Variants in SMIM17 observed in about 807,000 individuals in gnomAD.
SMIM17 encodes small integral membrane protein 17.
Under a neutral mutation model 12.2 loss-of-function variants are expected in SMIM17, and 10 were observed. The ratio of observed to expected loss-of-function variants is 0.82; its 90% CI spans 0.50 to 1.39. The LOEUF (loss-of-function observed/expected upper bound fraction) is 1.39, where lower values mean the gene tolerates loss of function less well. Among genes scored for constraint, SMIM17 ranks in the 40% most tolerant of loss-of-function variants. The pLI is 0.00. For missense variants in SMIM17, 136 were observed against 118.2 expected, an observed-to-expected ratio of 1.15 and a Z score of -0.70; for synonymous variants, 50 against 44.1, an observed-to-expected ratio of 1.13 and a Z score of -0.53.
intron 3 of SMIM17, among the ~76,000 whole-genome samples, chr19:56,648,036 T>C (rs1398339244): frequency 6.6e-6 from 1 of 151,066 alleles, no homozygotes; most frequent in African/African-American, 2.4e-5. Context: ...ATTCACCTAC[T>C]TGCTTGTATA....
rs768970643 is a variant in SMIM17 at position 56,645,861 on chromosome 19, G to A, written c.169+25G>A. 2.2e-4 allele frequency: 326 copies of A among 1,514,232 alleles called. 1 individual carries two copies. Among genetic ancestry groups the A allele is most frequent in the Non-Finnish European group, 2.4e-4 (269 of 1,136,134 alleles). The allele number at this position is 1,514,232 out of a possible 1,614,324, so 93.8% of individuals were successfully genotyped here. A position where few individuals can be genotyped will look rare whatever the true frequency, so the allele number is the denominator to read the frequency against. On this transcript the variant is annotated intron_variant, in intron 2 of 3. Coordinates refer to ENST00000598409, the MANE Select transcript of SMIM17 (RefSeq NM_001193628.2). Reference sequence around the variant, plus strand: ...GGTGAGAGGCAGGGGTCCTTTGGGAGGTGAGTGGGTGGAGAGGAAGGAATT... The same window carrying A: ...GGTGAGAGGCAGGGGTCCTTTGGGAAGTGAGTGGGTGGAGAGGAAGGAATT...
At position 56,647,572 on chromosome 19, in the gene SMIM17, G is replaced by A. The variant is rs1290315264; in HGVS notation, c.184G>A (p.Glu62Lys). 2.0e-6 allele frequency: 3 copies of A among 1,535,680 alleles called. No homozygotes were observed. In the African/African-American group the frequency reaches 4.1e-5, roughly 21 times the overall value. ...DSDEKDLSSQ[E>K]TGLSQEWSSV... ...CCCTCACCCAGACCTGTCTTCTCAA[G>A]AGACTGGGCTTTCCCAGGAGTGGAG... The change falls in exon 3 of 4, where the codon GAG (glutamate) becomes AAG (lysine). Residue 62 changes from glutamate to lysine, a missense_variant. Physicochemically the swap from Glu to Lys is moderately conservative, Grantham distance 56 (BLOSUM62 1). Transcript: ENST00000598409.
At chr19:56,649,426 C>G in intron 3 of SMIM17, among the ~76,000 whole-genome samples, 1 of 149,386 alleles carries the variant, frequency 6.7e-6, no homozygotes, top group African/African-American at 2.6e-5. Flanking sequence ...CCGAGGTAGA[C>G]AGACGACAAT....
In SMIM17 at chr19:56,647,651, G is replaced by T. The variant is rs114778699; in HGVS notation, c.246+17G>T. 2.1e-3 allele frequency: 3,197 copies of T among 1,533,496 alleles called. 39 individuals carry two copies. The African/African-American group carries it at 0.034, about 16-fold the overall frequency. 95.0% of individuals were successfully genotyped at this position (1,533,496 alleles called of 1,614,324 possible). ...GGCTCCCAGGTACACTGGGGGGTTT[G>T]TTCTTTTTCCACAAATGTCCCACTC... On this transcript the variant is annotated intron_variant, in intron 3 of 3. Transcript: ENST00000598409.
chr19:56,650,693 G>A lies in SMIM17; in HGVS notation c.246+3059G>A, dbSNP rs74371906. Among the ~76,000 whole-genome samples the A allele has an allele frequency of 7.3e-3, 1,117 of 152,272 alleles. 20 individuals carry two copies. Among genetic ancestry groups the A allele is most frequent in the African/African-American group, 0.026 (1,074 of 41,568 alleles). ...TGGGCTTGGAGGGGAGGATAGGAGC[G>A]AATGGGACCCAGGACCTGATGACAT... On this transcript the variant is annotated intron_variant, in intron 3 of 3. Coordinates refer to ENST00000598409, the MANE Select transcript of SMIM17 (RefSeq NM_001193628.2).
chr19:56,655,224 G>T lies in SMIM17; in HGVS notation c.*11G>T, dbSNP rs1349231883. ...ATGTTTCACATTTAACTATAATGGT[G>T]GCTGTTGTTTTAAAAGTTTAATTTA... is the stretch of plus-strand genomic sequence containing the variant. On this transcript the variant is annotated 3_prime_UTR_variant, in exon 4 of 4. Coordinates refer to ENST00000598409, the MANE Select transcript of SMIM17 (RefSeq NM_001193628.2). 1 of 698,900 alleles carries T rather than the reference G, an allele frequency of 1.4e-6. No individual in the cohort carries two copies. Among genetic ancestry groups the T allele is most frequent in the South Asian group, 1.5e-5 (1 of 66,620 alleles). 43.3% of individuals were successfully genotyped at this position (698,900 alleles called of 1,614,324 possible).
In SMIM17 at chr19:56,645,738, G is replaced by C. The variant is rs945220931; in HGVS notation, c.71G>C (p.Arg24Pro). ...EPERTKTLLPRESRAWEKPPH... is the reference protein window; with the variant it reads ...EPERTKTLLPPESRAWEKPPH... ...GAGAGGACCAAGACTCTGCTGCCTCGGGAGAGCCGGGCCTGGGAGAAGCCT... is the reference window on the plus strand; with the variant it reads ...GAGAGGACCAAGACTCTGCTGCCTCCGGAGAGCCGGGCCTGGGAGAAGCCT... Residue 24 changes from arginine (R) to proline (P), a missense_variant, in exon 2 of 4, where the codon CGG (arginine) becomes CCG (proline). Physicochemically the swap from Arg to Pro is moderately radical, Grantham distance 103. Coordinates refer to ENST00000598409, the MANE Select transcript of SMIM17 (RefSeq NM_001193628.2). 6.5e-7 allele frequency: 1 copy of C among 1,535,774 alleles called. No individual in the cohort carries two copies. The highest frequency in any genetic ancestry group is 8.7e-7 in the Non-Finnish European group (1 of 1,146,790).
At chr19:56,647,306 A>C (rs2045070561) in intron 2 of SMIM17, among the ~76,000 whole-genome samples, 2 of 151,976 alleles carry the variant, frequency 1.3e-5, no homozygotes, top group South Asian at 4.1e-4. Flanking sequence ...AACAGAATTC[A>C]GGTCTTTCAT....
chr19:56,652,905 C>A (rs1378880758), intron 3 of SMIM17, among the ~76,000 whole-genome samples: 1 of 152,212 alleles, frequency 6.6e-6, no homozygotes, highest in East Asian at 1.9e-4. Flanking sequence ...GAGAGCTGCA[C>A]CAGCCTGAAA....
At chr19:56,644,106 C>T (rs2045044261) in intron 1 of SMIM17, among the ~76,000 whole-genome samples, 1 of 152,052 alleles carries the variant, frequency 6.6e-6, no homozygotes, top group Admixed American at 6.6e-5. Flanking sequence ...TGATGGCTGT[C>T]GTCTTTCCCA....
intron 1 of SMIM17, 54 bp from the exon 2 acceptor site, chr19:56,645,514 C>T (rs2045055891): frequency 3.1e-6 from 2 of 645,776 alleles, no homozygotes; most frequent in East Asian, 3.2e-5. Context: ...ACAGTCGTGC[C>T]TAGCCCCTGC....
chr19:56,651,407 T>C (rs1003245441), intron 3 of SMIM17, among the ~76,000 whole-genome samples: 4 of 151,628 alleles, frequency 2.6e-5, no homozygotes, highest in Admixed American at 6.6e-5. Flanking sequence ...GAGGAGTGAG[T>C]GAAGAAGTGG....
Position 56,655,599 on chromosome 19 carries a change from C to A in SMIM17, c.*386C>A. ...TTGCATTCTTAAGGTTTTGGTGCAC[C>A]AGTCTTTTCATACACTAGATTATAT... On this transcript the variant is annotated 3_prime_UTR_variant, in exon 4 of 4. Coordinates refer to ENST00000598409, the MANE Select transcript of SMIM17 (RefSeq NM_001193628.2). The A allele has an allele frequency of 4.4e-6, 1 of 225,072 alleles. No individual in the cohort carries two copies. The highest frequency in any genetic ancestry group is 8.6e-6 in the Non-Finnish European group (1 of 116,012). 13.9% of individuals were successfully genotyped at this position (225,072 alleles called of 1,614,324 possible). A position where few individuals can be genotyped will look rare whatever the true frequency, so the allele number is the denominator to read the frequency against.
Position 56,647,542 on chromosome 19 carries a change from T to C in SMIM17, c.170-16T>C. On this transcript the variant is annotated splice_polypyrimidine_tract_variant and intron_variant, in intron 2 of 3. Transcript: ENST00000598409. ...CACTCATGGCTCCTTTTTCCTCCACTCCCACCCTCACCCAGACCTGTCTTC... is the reference window on the plus strand; with the variant it reads ...CACTCATGGCTCCTTTTTCCTCCACCCCCACCCTCACCCAGACCTGTCTTC... 3 of 1,533,652 alleles carry C rather than the reference T, an allele frequency of 2.0e-6. No individual in the cohort carries two copies. Among genetic ancestry groups the C allele is most frequent in the Non-Finnish European group, 2.6e-6 (3 of 1,145,658 alleles).
rs114710328 is a variant in SMIM17, at chr19:56,649,945, G to A, written c.246+2311G>A. Among the ~76,000 whole-genome samples the A allele has an allele frequency of 2.7e-3, 418 of 152,242 alleles. 3 individuals are homozygous for A. The highest frequency in any genetic ancestry group is 9.4e-3 in the African/African-American group (392 of 41,540). On this transcript the variant is annotated intron_variant, in intron 3 of 3. Coordinates refer to ENST00000598409, the MANE Select transcript of SMIM17 (RefSeq NM_001193628.2). ...TGCTAAGTCCCACACCGAGGAGGTT[G>A]GATGTGTTTTGCAGGCAGTGGGAGC...
intron 3 of SMIM17, among the ~76,000 whole-genome samples, chr19:56,653,129 A>G (rs191167799): frequency 2.6e-5 from 4 of 152,340 alleles, no homozygotes; most frequent in Non-Finnish European, 5.9e-5. Flanking sequence ...CAATCAAGAT[A>G]TTGAGTGCTG....
chr19:56,646,355 T>C (rs1353353043), intron 2 of SMIM17, among the ~76,000 whole-genome samples: 1 of 152,184 alleles, frequency 6.6e-6, no homozygotes, highest in African/African-American at 2.4e-5. Context: ...AAAATATTCC[T>C]CTAACTCAGT....
intron 1 of SMIM17, among the ~76,000 whole-genome samples, chr19:56,643,980 C>T (rs551238012): frequency 1.3e-5 from 2 of 152,188 alleles, no homozygotes; most frequent in South Asian, 2.1e-4. Context: ...TGCTATTTCA[C>T]CATGAACACT....
chr19:56,645,150 A>G (rs1021128435), intron 1 of SMIM17, among the ~76,000 whole-genome samples: 22 of 151,702 alleles, frequency 1.5e-4, no homozygotes, highest in African/African-American at 5.1e-4. Context: ...AGTGTGTGTG[A>G]CTGTGAGTGT....
Sources: gnomAD v4.1 joint callset for allele counts (sites outside exome capture counted in the v4.1 genomes callset) on GRCh38, gnomAD v4.1.1 for gene constraint, MANE v1.5 for transcripts, NCBI Gene and HGNC (gene_info 2026-07-23, HGNC 2026-07-21) for gene names.